KLF8: variants seen among roughly 807,000 people sequenced by gnomAD.
KLF8 encodes Krueppel-like factor 8.
KLF8 carries 10 observed loss-of-function variants against 18.2 expected under a neutral mutation model. The observed-to-expected ratio is 0.55, with a 90% CI of 0.34 to 0.93. KLF8 has a LOEUF of 0.93. Ranked by LOEUF, KLF8 falls within the 40% of genes least tolerant of loss-of-function variation. The pLI, the probability that KLF8 is intolerant of heterozygous loss-of-function variation, is 0.02. For synonymous variants in KLF8, 109 were observed against 97.3 expected, an observed-to-expected ratio of 1.12 and a Z score of -0.71; for missense variants, 264 against 277.9, an observed-to-expected ratio of 0.95 and a Z score of 0.36.
chrX:56,168,592 G>A, the KLF8 span, among the ~76,000 whole-genome samples: 1 of 111,037 alleles, frequency 9.0e-6, no homozygotes, highest in Non-Finnish European at 1.9e-5. Context: ...TTGGTGTGCT[G>A]CACCCATGAA....
At chrX:55,929,462 T>C in the KLF8 span, among the ~76,000 whole-genome samples, 1 of 112,430 alleles carries the variant, frequency 8.9e-6, no homozygotes, top group Admixed American at 9.4e-5. Context: ...TCCTGAATGG[T>C]ATTGCCTAGG....
At position 56,265,734 on chromosome X, in the gene KLF8, T is replaced by C; in HGVS notation, c.636T>C (p.Asn212=). 1 of 1,199,631 alleles carries C rather than the reference T, an allele frequency of 8.3e-7. No individual in the cohort carries two copies. Among genetic ancestry groups the C allele is most frequent in the Non-Finnish European group, 1.1e-6 (1 of 892,326 alleles). ...CACTCATTGGAGGAGATGGTAAAAA[T>C]GCTGGATCAGGTAAGTAACAATATT... ...TVPLIGGDGK[N]AGSVKVDPTS... is the part of the protein sequence containing the mutation. The change falls in exon 3 of 6, where the codon AAT becomes AAC. Residue 212 remains asparagine, a synonymous_variant. Coordinates refer to ENST00000468660, the MANE Select transcript of KLF8 (RefSeq NM_007250.5).
chrX:56,102,327 A>G, the KLF8 span, among the ~76,000 whole-genome samples: 4 of 111,612 alleles, frequency 3.6e-5, no homozygotes, highest in Non-Finnish European at 7.5e-5. Flanking sequence ...CTTTTGTAGC[A>G]GTACCATGCT....
At chrX:56,251,743 G>A (rs771712721) in intron 2 of KLF8, among the ~76,000 whole-genome samples, 17 of 110,731 alleles carry the variant, frequency 1.5e-4, no homozygotes, top group Admixed American at 4.8e-4. Context: ...TTATAGGTGT[G>A]AGCCACCGTA....
At chrX:56,115,877 T>A in the KLF8 span, among the ~76,000 whole-genome samples, 2 of 112,176 alleles carry the variant, frequency 1.8e-5, no homozygotes, top group Admixed American at 1.9e-4. Flanking sequence ...AGCAAGTAAG[T>A]ACCATACCTA....
At chrX:56,158,987 T>A in the KLF8 span, among the ~76,000 whole-genome samples, 4 of 111,681 alleles carry the variant, frequency 3.6e-5, no homozygotes, top group African/African-American at 6.5e-5. Flanking sequence ...GAATGCTTCC[T>A]GTTTTTGCCC....
chrX:56,161,065 G>A, the KLF8 span, among the ~76,000 whole-genome samples: 5 of 111,395 alleles, frequency 4.5e-5, no homozygotes, highest in Non-Finnish European at 9.4e-5. Flanking sequence ...TCCTTCAGGA[G>A]CTCTTTTAGG....
At chrX:56,226,872 G>T in the KLF8 span, among the ~76,000 whole-genome samples, 4 of 112,128 alleles carry the variant, frequency 3.6e-5, no homozygotes, top group African/African-American at 1.3e-4. Flanking sequence ...TGGCTCCAGG[G>T]TAAACTGCTC....
At chrX:56,173,934 C>T in the KLF8 span, among the ~76,000 whole-genome samples, 1 of 111,747 alleles carries the variant, frequency 8.9e-6, no homozygotes, top group Non-Finnish European at 1.9e-5. Flanking sequence ...GTGATTTTTG[C>T]ACATTGATTT....
chrX:55,954,009 G>A, the KLF8 span, among the ~76,000 whole-genome samples: 6 of 109,166 alleles, frequency 5.5e-5, no homozygotes, highest in Admixed American at 9.9e-5. Context: ...ACTCAAGTAA[G>A]TGAAATAACC....
the KLF8 span, among the ~76,000 whole-genome samples, chrX:56,138,507 T>C: frequency 9.0e-6 from 1 of 111,518 alleles, no homozygotes; most frequent in Non-Finnish European, 1.9e-5. Context: ...GCAAGGTTGG[T>C]TAAACATACA....
At chrX:55,954,940 A>G in the KLF8 span, among the ~76,000 whole-genome samples, 6 of 111,814 alleles carry the variant, frequency 5.4e-5, no homozygotes, top group Non-Finnish European at 1.1e-4. Context: ...TGTATATGAA[A>G]TGTTCAGAAC....
chrX:56,008,583 A>G, the KLF8 span, among the ~76,000 whole-genome samples: 2 of 112,023 alleles, frequency 1.8e-5, no homozygotes, highest in Non-Finnish European at 3.8e-5. Flanking sequence ...CCAAGCAGAC[A>G]TCTGTACAGA....
the KLF8 span, among the ~76,000 whole-genome samples, chrX:56,103,996 T>G: frequency 8.9e-6 from 1 of 111,985 alleles, no homozygotes; most frequent in Non-Finnish European, 1.9e-5. Flanking sequence ...TTGGTTCTGT[T>G]TATATGCTGG....
At chrX:56,048,868 G>A in the KLF8 span, among the ~76,000 whole-genome samples, 53 of 111,406 alleles carry the variant, frequency 4.8e-4, no homozygotes, top group African/African-American at 1.2e-3. Flanking sequence ...CAGTATGGCC[G>A]TTTTCATGAT....
chrX:56,099,145 C>T, the KLF8 span, among the ~76,000 whole-genome samples: 165 of 111,791 alleles, frequency 1.5e-3, no homozygotes, highest in Non-Finnish European at 2.7e-3. Flanking sequence ...CATTTTTCAA[C>T]ATCATGTGCT....
At chrX:56,100,606 G>C in the KLF8 span, among the ~76,000 whole-genome samples, 1 of 111,680 alleles carries the variant, frequency 9.0e-6, no homozygotes, top group South Asian at 3.8e-4. Context: ...TGTGAGAAGG[G>C]CAAAATATCA....
At chrX:56,103,761 G>C in the KLF8 span, among the ~76,000 whole-genome samples, 1 of 111,669 alleles carries the variant, frequency 9.0e-6, no homozygotes, top group African/African-American at 3.3e-5. Flanking sequence ...GAATAGGAGT[G>C]ATGAGAGTGG....
the KLF8 span, among the ~76,000 whole-genome samples, chrX:56,196,766 C>T: frequency 8.9e-6 from 1 of 111,893 alleles, no homozygotes; most frequent in East Asian, 2.8e-4. Flanking sequence ...ATCTACAGAA[C>T]TCTCCACCCC....
Sources: gnomAD v4.1 joint callset for allele counts (sites outside exome capture counted in the v4.1 genomes callset) on GRCh38, gnomAD v4.1.1 for gene constraint, MANE v1.5 for transcripts, NCBI Gene and HGNC (gene_info 2026-07-23, HGNC 2026-07-21) for gene names.